The following LYRM4 variants were observed in gnomAD, a reference collection of about 807,000 sequenced individuals.
LYRM4 encodes LYR motif containing 4, also known as LYR motif-containing protein 4.
LYRM4 carries 9 observed loss-of-function variants against 11.7 expected under a neutral mutation model. The observed-to-expected ratio is 0.77, with a 90% CI of 0.46 to 1.34. The LOEUF is 1.34. Among genes scored for constraint, LYRM4 ranks in the 40% most tolerant of loss-of-function variants. The probability of loss-of-function intolerance (pLI) is 0.00; values close to 1 mark genes in which losing one functional copy is unlikely to be tolerated. For synonymous variants in LYRM4, 42 were observed against 40.4 expected (o/e 1.04, Z -0.15); for missense variants, 133 against 112.5 (o/e 1.18, Z -0.82).
chr6:5,135,569 T>A lies in LYRM4; in HGVS notation c.208-26078A>T, dbSNP rs561430430. ...TGTGGAGGGTGCGGATCGCTCCAGG[T>A]GTGATTTTCATGGGAATGGAACTGG... On this transcript the variant is annotated intron_variant, in intron 2 of 2. Transcript: ENST00000330636. Among the ~76,000 whole-genome samples the A allele has an allele frequency of 3.5e-5, 5 of 142,996 alleles. No individual in the cohort carries two copies. In the East Asian group the frequency reaches 1.0e-3, roughly 29 times the overall value. The allele number at this position is 142,996 out of a possible 152,430, so 93.8% of individuals were successfully genotyped here.
At chr6:5,068,213 G>A in the LYRM4 span, among the ~76,000 whole-genome samples, 1 of 152,212 alleles carries the variant, frequency 6.6e-6, no homozygotes, top group African/African-American at 2.4e-5. This position sits in a 1 kb window ranked among gnomAD's most constrained non-coding sequence, Gnocchi z 4.0. Flanking sequence ...CCGTCACACT[G>A]TATGAGGTCA....
intron 2 of LYRM4, among the ~76,000 whole-genome samples, chr6:5,179,358 T>G (rs1470732677): frequency 6.6e-6 from 1 of 152,140 alleles, no homozygotes; most frequent in Non-Finnish European, 1.5e-5. Flanking sequence ...CCAAAGTTTT[T>G]TTATCTTCCA....
In LYRM4 at chr6:5,260,681, C is replaced by CT; in HGVS notation, c.52dup (p.Arg18LysfsTer27). ...GTAGGCGCTGAAACGCTTGCTCTCT[C>CT]TCAGCATCGCCCGGTACAGAGATAA... is the stretch of plus-strand genomic sequence containing the variant. On this transcript the variant is annotated frameshift_variant, in exon 1 of 3. Transcript: ENST00000330636. LOFTEE classifies it high-confidence loss of function. 1 of 1,543,550 alleles carries CT rather than the reference C, an allele frequency of 6.5e-7. No homozygotes were observed. Among genetic ancestry groups the CT allele is most frequent in the Non-Finnish European group, 8.7e-7 (1 of 1,144,508 alleles).
At chr6:5,117,653 G>A (rs1413378364) in intron 2 of LYRM4, among the ~76,000 whole-genome samples, 3 of 152,042 alleles carry the variant, frequency 2.0e-5, no homozygotes, top group African/African-American at 7.2e-5. Flanking sequence ...TGTAAATGGT[G>A]TACTCTGCTC....
At chr6:5,049,131 A>C in the LYRM4 span, among the ~76,000 whole-genome samples, 1 of 152,160 alleles carries the variant, frequency 6.6e-6, no homozygotes, top group African/African-American at 2.4e-5. Context: ...TCTCATGGGC[A>C]TGACCGCTGT....
At chr6:5,111,755 G>C (rs1762893280) in intron 2 of LYRM4, among the ~76,000 whole-genome samples, 1 of 152,228 alleles carries the variant, frequency 6.6e-6, no homozygotes, top group Admixed American at 6.5e-5. Context: ...GGGATGGGTG[G>C]GGGCAGGAGG....
chr6:5,232,737 T>C (rs1763314533), intron 1 of LYRM4, among the ~76,000 whole-genome samples: 2 of 152,228 alleles, frequency 1.3e-5, no homozygotes, highest in Admixed American at 1.3e-4. Flanking sequence ...TGCTTTCATT[T>C]TGAGTTGCAT....
chr6:5,155,766 C>A (rs200045918), intron 2 of LYRM4, among the ~76,000 whole-genome samples: 1 of 152,062 alleles, frequency 6.6e-6, no homozygotes, highest in African/African-American at 2.4e-5. Flanking sequence ...TGTTAATGTA[C>A]GGAGGAGCAC....
intron 2 of LYRM4, among the ~76,000 whole-genome samples, chr6:5,112,827 G>C (rs1205859973): frequency 6.6e-6 from 1 of 151,992 alleles, no homozygotes; most frequent in Non-Finnish European, 1.5e-5. Flanking sequence ...GCTGGAGCTG[G>C]GGCAGGGTAA....
intron 2 of LYRM4, 116 bp from the exon 3 acceptor site, chr6:5,109,607 C>G (rs1038458308): frequency 2.9e-6 from 3 of 1,047,906 alleles, no homozygotes; most frequent in Non-Finnish European, 4.3e-6. Flanking sequence ...CAGGGCTGCT[C>G]CCTTCCGGCA....
chr6:5,037,597 C>T, the LYRM4 span, among the ~76,000 whole-genome samples: 3 of 73,144 alleles, frequency 4.1e-5, no homozygotes. Context: ...CGGGCAGAGG[C>T]GCCCCTCACC....
At chr6:5,088,260 A>C in the LYRM4 span, 1 of 151,952 alleles carries the variant, frequency 6.6e-6, no homozygotes, top group Non-Finnish European at 1.5e-5. Context: ...ACACCTGGCT[A>C]ATTTTTGTAT....
chr6:5,260,291 C>G (rs565541442), intron 1 of LYRM4, among the ~76,000 whole-genome samples: 1 of 152,362 alleles, frequency 6.6e-6, no homozygotes, highest in Admixed American at 6.5e-5. Context: ...GGAAGTTTTA[C>G]ATATGCAACA....
chr6:5,090,057 A>ACACACC, the LYRM4 span, among the ~76,000 whole-genome samples: 24 of 132,148 alleles, frequency 1.8e-4, no homozygotes, highest in African/African-American at 7.3e-4. This position sits in a 1 kb window ranked among gnomAD's most constrained non-coding sequence, Gnocchi z 4.8. Context: ...ACACACCACA[A>ACACACC]ACAAAATCCC....
the LYRM4 span, among the ~76,000 whole-genome samples, chr6:5,070,972 G>A: frequency 6.6e-6 from 1 of 151,346 alleles, no homozygotes; most frequent in Non-Finnish European, 1.5e-5. Flanking sequence ...TGGACGGATC[G>A]CGAGGTCAGG....
chr6:5,236,658 T>C (rs1331028905), intron 1 of LYRM4, among the ~76,000 whole-genome samples: 2 of 150,890 alleles, frequency 1.3e-5, no homozygotes. Flanking sequence ...TAAAAAAATC[T>C]CTAAGGGGGC....
intron 1 of LYRM4, among the ~76,000 whole-genome samples, chr6:5,241,471 A>G (rs1321500853): frequency 6.6e-6 from 1 of 152,234 alleles, no homozygotes; most frequent in African/African-American, 2.4e-5. Flanking sequence ...TTTTCATCAG[A>G]ATTTGAATGA....
Position 5,150,968 on chromosome 6 carries a change from T to C in LYRM4, c.208-41477A>G, listed in dbSNP as rs190084356. On this transcript the variant is annotated intron_variant, in intron 2 of 2. Transcript: ENST00000330636. ...ATCTTCAATTCAAGCCCCTATCAGC[T>C]TATTTAATCAGTGTCTACACTAGTA... Among the ~76,000 whole-genome samples the C allele has an allele frequency of 1.8e-4, 28 of 152,356 alleles. No homozygotes were observed. In the East Asian group the frequency reaches 5.4e-3, roughly 29 times the overall value.
chr6:5,132,440 C>T (rs1437196688), intron 2 of LYRM4, among the ~76,000 whole-genome samples: 1 of 151,734 alleles, frequency 6.6e-6, no homozygotes, highest in African/African-American at 2.4e-5. Context: ...ACAGAAACTA[C>T]AACACACCTC....
Sources: allele counts gnomAD v4.1 joint callset (sites outside exome capture counted in the v4.1 genomes callset), GRCh38; gene constraint gnomAD v4.1.1; non-coding constraint Gnocchi (gnomAD v3.1); transcripts MANE v1.5; gene names NCBI Gene and HGNC (gene_info 2026-07-23, HGNC 2026-07-21).